CNOT2: variants seen among roughly 807,000 people sequenced by gnomAD.
The protein encoded by CNOT2 is CC chemokine receptor 4-negative regulator of transcription 2.
Under a neutral mutation model 72.1 loss-of-function variants are expected in CNOT2, and 7 were observed. The ratio of observed to expected loss-of-function variants is 0.10; its 90% CI spans 0.06 to 0.18. The LOEUF (loss-of-function observed/expected upper bound fraction) is 0.18, where lower values mean the gene tolerates loss of function less well. CNOT2 is among the 10% of genes least tolerant of loss of function. The pLI is 1.00. For missense variants in CNOT2, 345 were observed against 660.3 expected (o/e 0.52, Z 5.23); for synonymous variants, 196 against 225.6 (o/e 0.87, Z 1.17).
At chr12:70,251,735 G>A (rs1462596844) in intron 1 of CNOT2, among the ~76,000 whole-genome samples, 3 of 152,234 alleles carry the variant, frequency 2.0e-5, no homozygotes, top group Admixed American at 6.5e-5. Flanking sequence ...TATTTGTTAA[G>A]AACTGTATGA....
At chr12:70,323,408 A>G (rs561547407) in intron 4 of CNOT2, 1 of 151,840 alleles carries the variant, frequency 6.6e-6, no homozygotes, top group Non-Finnish European at 1.5e-5. Flanking sequence ...TGATTTTACT[A>G]TGTAGTAGAA....
intron 2 of CNOT2, among the ~76,000 whole-genome samples, chr12:70,303,638 A>C (rs148510608): frequency 1.9e-3 from 282 of 152,136 alleles, no homozygotes; most frequent in African/African-American, 2.7e-3. Flanking sequence ...TTCTCTCTGG[A>C]TGCCCTTAAC....
intron 1 of CNOT2, among the ~76,000 whole-genome samples, chr12:70,263,147 T>A (rs1415879934): frequency 6.6e-6 from 1 of 152,214 alleles, no homozygotes. Flanking sequence ...CTTTTTGTCA[T>A]TGGCTTCCAA....
intron 7 of CNOT2, 129 bp from the exon 8 acceptor site, chr12:70,335,309 A>G: frequency 1.5e-6 from 1 of 666,270 alleles, no homozygotes; most frequent in Non-Finnish European, 2.6e-6. Flanking sequence ...ACCTACATAC[A>G]CCTAGTACAG....
At chr12:70,346,081 G>T in intron 14 of CNOT2, 99 bp from the exon 15 acceptor site, 1 of 718,006 alleles carries the variant, frequency 1.4e-6, no homozygotes, top group Non-Finnish European at 2.3e-6. Context: ...TATTTTATGT[G>T]TAATTTTTTT....
At chr12:70,291,049 T>C (rs1245891493) in intron 2 of CNOT2, among the ~76,000 whole-genome samples, 1 of 152,202 alleles carries the variant, frequency 6.6e-6, no homozygotes, top group African/African-American at 2.4e-5. Context: ...ATTCCAGTTC[T>C]TATGTAGAAT....
At chr12:70,310,310 A>G (rs1383707710) in intron 2 of CNOT2, among the ~76,000 whole-genome samples, 1 of 152,086 alleles carries the variant, frequency 6.6e-6, no homozygotes, top group Non-Finnish European at 1.5e-5. Context: ...ATGAATAAGC[A>G]GGTTATATCA....
chr12:70,295,923 A>T (rs1872729922), intron 2 of CNOT2, among the ~76,000 whole-genome samples: 1 of 152,202 alleles, frequency 6.6e-6, no homozygotes, highest in South Asian at 2.1e-4. Flanking sequence ...ATGTTGAAAC[A>T]TACAGAACAT....
chr12:70,280,790 G>A (rs1458077395), intron 2 of CNOT2, among the ~76,000 whole-genome samples: 1 of 152,116 alleles, frequency 6.6e-6, no homozygotes, highest in East Asian at 1.9e-4. Flanking sequence ...TCTACTTTGT[G>A]TGTTTTCTTT....
intron 14 of CNOT2, 141 bp from the exon 15 acceptor site, chr12:70,346,039 T>C (rs1363632094): frequency 1.4e-5 from 8 of 578,102 alleles, no homozygotes; most frequent in Admixed American, 6.7e-5. Flanking sequence ...TAATAACTTA[T>C]AATAAATGAG....
At chr12:70,288,374 T>C (rs1871284060) in intron 2 of CNOT2, among the ~76,000 whole-genome samples, 1 of 152,168 alleles carries the variant, frequency 6.6e-6, no homozygotes, top group African/African-American at 2.4e-5. Flanking sequence ...CTCCAACTCC[T>C]GACCTCAGGT....
At chr12:70,255,634 A>G (rs990841893) in intron 1 of CNOT2, among the ~76,000 whole-genome samples, 3 of 152,312 alleles carry the variant, frequency 2.0e-5, no homozygotes, top group South Asian at 2.1e-4. Flanking sequence ...AGTTGCTGAC[A>G]TTAAGTATTT....
chr12:70,273,400 C>T (rs1255607828), intron 1 of CNOT2, among the ~76,000 whole-genome samples: 1 of 152,058 alleles, frequency 6.6e-6, no homozygotes, highest in Non-Finnish European at 1.5e-5. Context: ...AGATATCTAC[C>T]ATACTCTCTT....
intron 1 of CNOT2, among the ~76,000 whole-genome samples, chr12:70,258,191 A>G (rs1033398016): frequency 1.3e-5 from 2 of 152,216 alleles, no homozygotes; most frequent in Non-Finnish European, 2.9e-5. Flanking sequence ...CCCAAGCATT[A>G]TTCCATACTT....
At chr12:70,305,735 G>T (rs1276859837) in intron 2 of CNOT2, among the ~76,000 whole-genome samples, 2 of 152,104 alleles carry the variant, frequency 1.3e-5, no homozygotes, top group Admixed American at 1.3e-4. Context: ...TGATCTCAGG[G>T]ATTTTTAGGT....
chr12:70,318,024 C>T (rs749380593), intron 3 of CNOT2, among the ~76,000 whole-genome samples: 18 of 151,982 alleles, frequency 1.2e-4, no homozygotes, highest in Non-Finnish European at 2.4e-4. Context: ...CTCCTTTTCC[C>T]GTTATACCCC....
chr12:70,291,506 A>G (rs1197137511), intron 2 of CNOT2, among the ~76,000 whole-genome samples: 4 of 152,198 alleles, frequency 2.6e-5, no homozygotes, highest in East Asian at 3.9e-4. Flanking sequence ...TTCACATTCT[A>G]CCTGAATCAC....
chr12:70,246,031 A>G (rs1351817523), intron 1 of CNOT2, among the ~76,000 whole-genome samples: 2 of 152,162 alleles, frequency 1.3e-5, no homozygotes, highest in African/African-American at 2.4e-5. Flanking sequence ...TACAACCTGT[A>G]TAAGTTATAG....
intron 1 of CNOT2, among the ~76,000 whole-genome samples, chr12:70,251,756 CT>C (rs781248626): frequency 2.0e-5 from 3 of 152,122 alleles, no homozygotes. Flanking sequence ...CTTTGAAACT[CT>C]GTAGTCTATC....
Sources: allele counts gnomAD v4.1 joint callset (sites outside exome capture counted in the v4.1 genomes callset), GRCh38; gene constraint gnomAD v4.1.1; transcripts MANE v1.5; gene names NCBI Gene and HGNC (gene_info 2026-07-23, HGNC 2026-07-21).